The following DHRS7B variants were observed in gnomAD, a reference collection of about 807,000 sequenced individuals.
DHRS7B encodes the protein peroxisomal reductase activating PPAR-gamma.
DHRS7B carries 24 observed loss-of-function variants against 26.4 expected under a neutral mutation model. The observed-to-expected ratio is 0.91, with a 90% CI of 0.66 to 1.28. The LOEUF is 1.28. DHRS7B is among the 50% of genes most tolerant of loss of function. The probability of loss-of-function intolerance (pLI) is 0.00; values close to 1 mark genes in which losing one functional copy is unlikely to be tolerated. For missense variants in DHRS7B, 368 were observed against 419.4 expected (o/e 0.88, Z 1.07); for synonymous variants, 142 against 166.4 (o/e 0.85, Z 1.13).
At chr17:21,173,703 C>T (rs2144141365) in intron 2 of DHRS7B, among the ~76,000 whole-genome samples, 1 of 152,298 alleles carries the variant, frequency 6.6e-6, no homozygotes, top group South Asian at 2.1e-4. Flanking sequence ...GATATCCAGA[C>T]CTTTGCAGGG....
At chr17:21,165,068 G>A (rs1270794378) in intron 1 of DHRS7B, among the ~76,000 whole-genome samples, 1 of 152,178 alleles carries the variant, frequency 6.6e-6, no homozygotes, top group African/African-American at 2.4e-5. Context: ...GCTTTCCTAT[G>A]CATTTTCCTA....
At chr17:21,181,009 A>C (rs1974504534) in intron 3 of DHRS7B, among the ~76,000 whole-genome samples, 1 of 152,108 alleles carries the variant, frequency 6.6e-6, no homozygotes, top group African/African-American at 2.4e-5. Flanking sequence ...TTATCTCCTT[A>C]GATTTATTGC....
At chr17:21,128,162 T>C (rs1428184292) in intron 1 of DHRS7B, 1 of 152,210 alleles carries the variant, frequency 6.6e-6, no homozygotes, top group Non-Finnish European at 1.5e-5. Context: ...ACGCCTGTAG[T>C]CCCAGCTATT....
At position 21,188,938 on chromosome 17, in the gene DHRS7B, G is replaced by A. The variant is rs1035193769; in HGVS notation, c.772+75G>A. On this transcript the variant is annotated intron_variant, in intron 6 of 6. Transcript: ENST00000395511. ...AGTGAGACATGCTGCTCTTACTTCA[G>A]TGATTCTTTGGTCATTTTCATTTGG... 76 of 1,576,410 alleles carry A rather than the reference G, an allele frequency of 4.8e-5. No homozygotes were observed. In the Middle Eastern group the frequency reaches 8.4e-4, roughly 17 times the overall value.
intron 1 of DHRS7B, among the ~76,000 whole-genome samples, chr17:21,135,815 T>C (rs1208561424): frequency 1.3e-5 from 2 of 152,166 alleles, no homozygotes; most frequent in Admixed American, 1.3e-4. Context: ...ATAGAGAAAC[T>C]GAACTTATTT....
chr17:21,174,194 TGTC>T (rs1974322575), intron 2 of DHRS7B, among the ~76,000 whole-genome samples: 2 of 152,224 alleles, frequency 1.3e-5, no homozygotes, highest in African/African-American at 4.8e-5. Context: ...AGAGCTATGT[TGTC>T]CTCAGTGGCT....
At chr17:21,130,354 A>G in intron 1 of DHRS7B, among the ~76,000 whole-genome samples, 1 of 152,138 alleles carries the variant, frequency 6.6e-6, no homozygotes, top group Non-Finnish European at 1.5e-5. Context: ...GTGTCACTGT[A>G]CTCCAGCCTG....
At position 21,145,322 on chromosome 17, in the gene DHRS7B, T is replaced by TA. The variant is rs879626322; in HGVS notation, c.20+18343dup. Among the ~76,000 whole-genome samples the TA allele has an allele frequency of 4.5e-4, 64 of 142,026 alleles. 1 individual carries two copies. Among genetic ancestry groups the TA allele is most frequent in the Middle Eastern group, 3.7e-3 (1 of 268 alleles). The allele number at this position is 142,026 out of a possible 152,430, so 93.2% of individuals were successfully genotyped here. A position where few individuals can be genotyped will look rare whatever the true frequency, so the allele number is the denominator to read the frequency against. On this transcript the variant is annotated intron_variant, in intron 1 of 6. Coordinates refer to ENST00000395511, the MANE Select transcript of DHRS7B (RefSeq NM_015510.5). ...CTGGGCGACAGAGCGAGACGCCGTC[T>TA]AAAAAAAAAAAAGAAAATCAACCTG...
At chr17:21,131,747 C>G (rs1245504082) in intron 1 of DHRS7B, among the ~76,000 whole-genome samples, 1 of 152,172 alleles carries the variant, frequency 6.6e-6, no homozygotes, top group Non-Finnish European at 1.5e-5. Flanking sequence ...AGCTTCCTTG[C>G]TGTACTTAGC....
chr17:21,171,820 C>T, intron 1 of DHRS7B, 198 bp from the exon 2 acceptor site: 1 of 720,524 alleles, frequency 1.4e-6, no homozygotes. Context: ...CCGCTCATGT[C>T]AGTACTGAGA....
chr17:21,173,986 A>T (rs1943095578), intron 2 of DHRS7B, among the ~76,000 whole-genome samples: 1 of 152,120 alleles, frequency 6.6e-6, no homozygotes, highest in Non-Finnish European at 1.5e-5. Context: ...AGGTCACCAG[A>T]CCTGTCTATG....
intron 2 of DHRS7B, among the ~76,000 whole-genome samples, chr17:21,172,945 A>G (rs931316110): frequency 2.0e-5 from 3 of 152,214 alleles, no homozygotes; most frequent in Admixed American, 6.5e-5. Flanking sequence ...CACGTTGCAC[A>G]TGCACACACC....
intron 1 of DHRS7B, among the ~76,000 whole-genome samples, chr17:21,137,914 A>G (rs981157582): frequency 1.6e-4 from 24 of 149,540 alleles, no homozygotes; most frequent in African/African-American, 4.5e-4. Context: ...TTGTATTTTT[A>G]GTAGAGATGG....
intron 1 of DHRS7B, among the ~76,000 whole-genome samples, chr17:21,134,286 A>AT (rs945898638): frequency 3.3e-5 from 5 of 151,610 alleles, no homozygotes; most frequent in East Asian, 1.9e-4. Context: ...AGCAAGAATA[A>AT]TTTTTTTTTA....
intron 1 of DHRS7B, among the ~76,000 whole-genome samples, chr17:21,152,000 A>C (rs8079511): frequency 0.019 from 2,967 of 152,216 alleles, 113 homozygotes; most frequent in African/African-American, 0.068. Context: ...CCCACTCTCA[A>C]CTACTCCCTG....
At chr17:21,158,955 T>C (rs146195424) in intron 1 of DHRS7B, among the ~76,000 whole-genome samples, 3 of 145,608 alleles carry the variant, frequency 2.1e-5, no homozygotes, top group Non-Finnish European at 4.5e-5. Context: ...ACTATCTGCA[T>C]GCAAAAAAAA....
At chr17:21,144,100 G>C (rs1973588199) in intron 1 of DHRS7B, among the ~76,000 whole-genome samples, 1 of 152,208 alleles carries the variant, frequency 6.6e-6, no homozygotes. Flanking sequence ...CTATCAGGTT[G>C]AGAAACACTC....
intron 3 of DHRS7B, among the ~76,000 whole-genome samples, chr17:21,182,803 G>A (rs2144202425): frequency 6.6e-6 from 1 of 152,278 alleles, no homozygotes; most frequent in East Asian, 1.9e-4. Context: ...CTGGTATTTT[G>A]TTGAAGATTT....
intron 1 of DHRS7B, chr17:21,128,699 A>G (rs1973158305): frequency 6.6e-6 from 1 of 150,810 alleles, no homozygotes; most frequent in South Asian, 2.1e-4. Context: ...ACTCTGTCTC[A>G]AAACAAACAA....
Sources: gnomAD v4.1 joint callset for allele counts (sites outside exome capture counted in the v4.1 genomes callset) on GRCh38, gnomAD v4.1.1 for gene constraint, MANE v1.5 for transcripts, NCBI Gene and HGNC (gene_info 2026-07-23, HGNC 2026-07-21) for gene names.